ZNF827: variants seen among roughly 807,000 people sequenced by gnomAD.
ZNF827 encodes zinc finger protein 827.
Under a neutral mutation model 102.4 loss-of-function variants are expected in ZNF827, and 13 were observed. The ratio of observed to expected loss-of-function variants is 0.13; its 90% CI spans 0.08 to 0.20. The LOEUF (loss-of-function observed/expected upper bound fraction) is 0.20, where lower values mean the gene tolerates loss of function less well. Ranked by LOEUF, ZNF827 falls within the 10% of genes least tolerant of loss-of-function variation. The pLI is 1.00. For missense variants in ZNF827, 1,103 were observed against 1,344.4 expected (o/e 0.82, Z 2.81); for synonymous variants, 523 against 536.2 (o/e 0.98, Z 0.34).
chr4:145,777,092 G>C (rs558016611), intron 9 of ZNF827, among the ~76,000 whole-genome samples: 4 of 152,282 alleles, frequency 2.6e-5, no homozygotes, highest in Admixed American at 2.6e-4. Flanking sequence ...AGTTCACAGA[G>C]AAGAACATGG....
rs142710372 is a variant in ZNF827, at chr4:145,902,787, G to A, written c.472C>T (p.Pro158Ser). The A allele has an allele frequency of 3.4e-4, 547 of 1,613,998 alleles. No individual in the cohort carries two copies. The highest frequency in any genetic ancestry group is 4.3e-4 in the Non-Finnish European group (502 of 1,180,032). The change falls in exon 2 of 15, where the codon CCG (proline) becomes TCG (serine). Residue 158 changes from proline to serine, a missense_variant. Physicochemically the swap from Pro to Ser is moderately conservative, Grantham distance 74. Transcript: ENST00000508784. This position sits in a 1 kb window ranked among gnomAD's most constrained non-coding sequence, Gnocchi z 4.3. ...VNVGSNLSFS[P>S]PSHHAQQLSV... ...AGCTGCTGGGCGTGGTGGGAAGGCG[G>A]GGAAAAGGAGAGGTTCGAGCCAACG...
chr4:145,830,312 A>G (rs1744088359), intron 7 of ZNF827: 1 of 152,148 alleles, frequency 6.6e-6, no homozygotes. Flanking sequence ...ATCAAATAAG[A>G]AAGGTGGGTT....
At chr4:145,883,515 C>T (rs1749852553) in intron 4 of ZNF827, among the ~76,000 whole-genome samples, 1 of 152,116 alleles carries the variant, frequency 6.6e-6, no homozygotes, top group South Asian at 2.1e-4. Context: ...CTCTAAGCAG[C>T]CTTATCTTAT....
At chr4:145,905,158 T>C (rs976770826) in intron 1 of ZNF827, among the ~76,000 whole-genome samples, 1 of 152,232 alleles carries the variant, frequency 6.6e-6, no homozygotes, top group African/African-American at 2.4e-5. Context: ...TATTTTATTA[T>C]CTACATATTC....
At chr4:145,802,736 T>A (rs115712389) in intron 8 of ZNF827, among the ~76,000 whole-genome samples, 1 of 152,314 alleles carries the variant, frequency 6.6e-6, no homozygotes, top group East Asian at 1.9e-4. Context: ...GGCGGGAGAA[T>A]AGCTTGAGCC....
intron 7 of ZNF827, among the ~76,000 whole-genome samples, chr4:145,834,175 A>C (rs1216148579): frequency 6.6e-6 from 1 of 151,456 alleles, no homozygotes; most frequent in African/African-American, 2.4e-5. Flanking sequence ...GGCACTTTGA[A>C]TTTTTCCATC....
chr4:145,800,057 C>A (rs1189112819), intron 8 of ZNF827, among the ~76,000 whole-genome samples: 1 of 152,036 alleles, frequency 6.6e-6, no homozygotes, highest in Non-Finnish European at 1.5e-5. Flanking sequence ...ATAATTTTTT[C>A]ATGTAAAGTA....
intron 1 of ZNF827, among the ~76,000 whole-genome samples, chr4:145,914,850 T>G (rs919015844): frequency 6.6e-6 from 1 of 152,188 alleles, no homozygotes; most frequent in Admixed American, 6.5e-5. Flanking sequence ...TTTCTAGATT[T>G]TTCACCTAAA....
intron 1 of ZNF827, among the ~76,000 whole-genome samples, chr4:145,918,797 G>C (rs2126955295): frequency 6.6e-6 from 1 of 152,300 alleles, no homozygotes; most frequent in Admixed American, 6.5e-5. Flanking sequence ...TCTCCATAAA[G>C]ACAAGGAAGG....
intron 7 of ZNF827, chr4:145,830,509 TAAG>T (rs1304496794): frequency 6.6e-6 from 1 of 152,196 alleles, no homozygotes; most frequent in Non-Finnish European, 1.5e-5. Context: ...AAAGATCAAA[TAAG>T]AATATTTCAT....
At chr4:145,934,788 T>C (rs552244847) in intron 1 of ZNF827, among the ~76,000 whole-genome samples, 1 of 152,288 alleles carries the variant, frequency 6.6e-6, no homozygotes, top group East Asian at 1.9e-4. Flanking sequence ...AGTCTATAAG[T>C]AGCAATGCTT....
At chr4:145,934,660 A>G (rs1754032169) in intron 1 of ZNF827, among the ~76,000 whole-genome samples, 1 of 152,212 alleles carries the variant, frequency 6.6e-6, no homozygotes, top group Non-Finnish European at 1.5e-5. Context: ...CCAGGGTGGA[A>G]CTTCCAGGTT....
At position 145,761,564 on chromosome 4, in the gene ZNF827, C is replaced by A. The variant is rs774851537; in HGVS notation, c.*52G>T. 1 of 1,276,322 alleles carries A rather than the reference C, an allele frequency of 7.8e-7. No individual in the cohort carries two copies. The highest frequency in any genetic ancestry group is 1.0e-6 in the Non-Finnish European group (1 of 979,166). The allele number at this position is 1,276,322 out of a possible 1,614,324, so 79.1% of individuals were successfully genotyped here. On this transcript the variant is annotated 3_prime_UTR_variant, in exon 15 of 15. Coordinates refer to ENST00000508784, the MANE Select transcript of ZNF827 (RefSeq NM_001306215.2). This position sits in a 1 kb window ranked among gnomAD's most constrained non-coding sequence, Gnocchi z 6.8. The stretch of plus-strand genomic sequence containing the variant: ...GTCTTGAGGTGGCACTCCATGGCAG[C>A]GGGGCGGTTGGTGGAATAAATGCAG...
chr4:145,765,198 C>T lies in ZNF827; in HGVS notation c.3053-33G>A, dbSNP rs753434584. On this transcript the variant is annotated intron_variant, in intron 12 of 14. Transcript: ENST00000508784. This position sits in a 1 kb window ranked among gnomAD's most constrained non-coding sequence, Gnocchi z 4.7. ...GACCGAAGCTGGGTATAGAGGTGCA[C>T]AGGGCAGCGGGGAGAGGAGGGCAGG... 1 of 1,564,910 alleles carries T rather than the reference C, an allele frequency of 6.4e-7. No homozygotes were observed. Among genetic ancestry groups the T allele is most frequent in the Non-Finnish European group, 8.7e-7 (1 of 1,152,800 alleles).
chr4:145,935,699 G>A (rs1754111354), intron 1 of ZNF827, among the ~76,000 whole-genome samples: 2 of 152,264 alleles, frequency 1.3e-5, no homozygotes, highest in South Asian at 4.1e-4. Flanking sequence ...GATTCAATCA[G>A]ACAGCAAAGT....
At chr4:145,932,060 C>G (rs1753847275) in intron 1 of ZNF827, among the ~76,000 whole-genome samples, 2 of 152,154 alleles carry the variant, frequency 1.3e-5, no homozygotes, top group African/African-American at 4.8e-5. Context: ...TGTGCCCCTT[C>G]CACTATATAA....
chr4:145,827,195 ACT>A (rs1254908515), intron 7 of ZNF827, among the ~76,000 whole-genome samples: 2 of 152,034 alleles, frequency 1.3e-5, no homozygotes, highest in African/African-American at 4.8e-5. Flanking sequence ...CCCCATCTGC[ACT>A]CTTTCCCGCT....
chr4:145,914,062 G>C (rs76051454), intron 1 of ZNF827, among the ~76,000 whole-genome samples: 4 of 148,110 alleles, frequency 2.7e-5, no homozygotes, highest in Non-Finnish European at 6.0e-5. Flanking sequence ...TTTCTTTGTA[G>C]ACACACACAC....
intron 7 of ZNF827, among the ~76,000 whole-genome samples, chr4:145,824,819 A>G (rs1461604145): frequency 2.0e-5 from 3 of 152,262 alleles, no homozygotes; most frequent in African/African-American, 7.2e-5. Flanking sequence ...ACATGCCACA[A>G]GGCTATGGTT....
Sources: allele counts gnomAD v4.1 joint callset (sites outside exome capture counted in the v4.1 genomes callset), GRCh38; gene constraint gnomAD v4.1.1; non-coding constraint Gnocchi (gnomAD v3.1); transcripts MANE v1.5; gene names NCBI Gene and HGNC (gene_info 2026-07-23, HGNC 2026-07-21).